PLCXD2: variants seen among roughly 807,000 people sequenced by gnomAD.
PLCXD2 encodes phosphatidylinositol specific phospholipase C X domain containing 2.
In PLCXD2, 21 loss-of-function variants were observed where a neutral mutation model predicts 28.6. That is an observed-to-expected ratio of 0.73 (90% confidence interval 0.52 to 1.06). The LOEUF is 1.06. Among genes scored for constraint, PLCXD2 ranks in the 50% least tolerant of loss-of-function variants. PLCXD2 has a pLI of 0.00. For missense variants in PLCXD2, 369 were observed against 376.7 expected (o/e 0.98, Z 0.17); for synonymous variants, 140 against 150.1 (o/e 0.93, Z 0.49).
rs954267073 is a variant in PLCXD2 at position 111,708,059 on chromosome 3, C to A, written c.297C>A (p.Asn99Lys). Residue 99 changes from asparagine to lysine, a missense_variant, in exon 2 of 5, where the codon AAC (asparagine) becomes AAA (lysine). Physicochemically the swap from Asn to Lys is moderately conservative, Grantham distance 94. Coordinates refer to ENST00000477665, the MANE Select transcript of PLCXD2 (RefSeq NM_001185106.1). ...TGAAGAAGTGGTCTGTGACTCAGAA[C>A]CTGACATTTCGAGAACAGCTGGAAG... is the stretch of plus-strand genomic sequence containing the variant. 5 of 1,614,180 alleles carry A rather than the reference C, an allele frequency of 3.1e-6. No homozygotes were observed. The highest frequency in any genetic ancestry group is 4.2e-6 in the Non-Finnish European group (5 of 1,180,046).
intron 2 of PLCXD2, among the ~76,000 whole-genome samples, chr3:111,712,065 C>G (rs1239310403): frequency 1.3e-5 from 2 of 151,978 alleles, no homozygotes; most frequent in Non-Finnish European, 2.9e-5. Flanking sequence ...GAGGCAGATG[C>G]AAAACACAGG....
chr3:111,691,145 T>C (rs1940871070), intron 1 of PLCXD2, among the ~76,000 whole-genome samples: 1 of 152,244 alleles, frequency 6.6e-6, no homozygotes. Flanking sequence ...TTGGAATGAT[T>C]TGCTTTTTGC....
At chr3:111,714,851 A>C (rs978711561) in intron 3 of PLCXD2, among the ~76,000 whole-genome samples, 1 of 152,210 alleles carries the variant, frequency 6.6e-6, no homozygotes, top group Non-Finnish European at 1.5e-5. Context: ...TATATGTATA[A>C]AAGGAATGTT....
At chr3:111,703,129 T>C (rs532752162) in intron 1 of PLCXD2, among the ~76,000 whole-genome samples, 2 of 152,334 alleles carry the variant, frequency 1.3e-5, no homozygotes, top group East Asian at 3.9e-4. Flanking sequence ...TTGACTGCTA[T>C]AGGCCTATAT....
At chr3:111,715,985 C>G (rs1184218832) in intron 3 of PLCXD2, among the ~76,000 whole-genome samples, 2 of 152,230 alleles carry the variant, frequency 1.3e-5, no homozygotes, top group Non-Finnish European at 2.9e-5. Context: ...AACATTGGCT[C>G]TTTCCTTTAT....
chr3:111,675,177 A>G lies in PLCXD2; in HGVS notation c.-69A>G. On this transcript the variant is annotated 5_prime_UTR_variant, in exon 1 of 5. Transcript: ENST00000477665. ...AAGCGTCGCCCTGAAACGTCCACAG[A>G]GCCCAAGAAGTGATGATCACTGAGT... is the stretch of plus-strand genomic sequence containing the variant. 6.5e-7 allele frequency: 1 copy of G among 1,543,238 alleles called. No individual in the cohort carries two copies. The highest frequency in any genetic ancestry group is 1.9e-5 in the Admixed American group (1 of 51,396).
chr3:111,677,513 C>T (rs769975825), intron 1 of PLCXD2: 2 of 152,206 alleles, frequency 1.3e-5, no homozygotes, highest in East Asian at 3.8e-4. Context: ...AGCACTACCA[C>T]GCAGGACCCA....
intron 1 of PLCXD2, chr3:111,676,636 T>C (rs1393656121): frequency 2.6e-5 from 4 of 152,222 alleles, no homozygotes; most frequent in Non-Finnish European, 5.9e-5. Flanking sequence ...CTACAGTTCC[T>C]TGGGAAATGC....
chr3:111,706,234 A>G (rs920805529), intron 1 of PLCXD2, among the ~76,000 whole-genome samples: 1 of 152,130 alleles, frequency 6.6e-6, no homozygotes, highest in Admixed American at 6.5e-5. Context: ...TTTTTTTGCT[A>G]TTGAGTTGTT....
At chr3:111,713,798 C>A in intron 2 of PLCXD2, 89 bp from the exon 3 acceptor site, 2 of 1,397,696 alleles carry the variant, frequency 1.4e-6, no homozygotes, top group Non-Finnish European at 9.7e-7. Context: ...TATTTTCTTG[C>A]CTTTTTCCTA....
At chr3:111,677,864 A>G (rs1163846512) in intron 1 of PLCXD2, among the ~76,000 whole-genome samples, 4 of 152,248 alleles carry the variant, frequency 2.6e-5, no homozygotes, top group African/African-American at 9.6e-5. Flanking sequence ...AGATACATAC[A>G]TATTATATGC....
At chr3:111,681,316 C>T (rs1940710896) in intron 1 of PLCXD2, among the ~76,000 whole-genome samples, 1 of 152,232 alleles carries the variant, frequency 6.6e-6, no homozygotes, top group South Asian at 2.1e-4. Context: ...ACTGTCATCC[C>T]CAGACATCCA....
chr3:111,698,369 C>T (rs1940993018), intron 1 of PLCXD2, among the ~76,000 whole-genome samples: 1 of 152,198 alleles, frequency 6.6e-6, no homozygotes, highest in South Asian at 2.1e-4. Context: ...GGCAGCCTGA[C>T]AACAGACTCT....
chr3:111,714,243 A>C, intron 3 of PLCXD2, 115 bp downstream of exon 3: 1 of 1,335,392 alleles, frequency 7.5e-7, no homozygotes, highest in Non-Finnish European at 9.9e-7. Context: ...AAAACAACAA[A>C]ACAAGCAAAA....
At chr3:111,719,269 G>A (rs578179654) in intron 3 of PLCXD2, among the ~76,000 whole-genome samples, 86 of 152,186 alleles carry the variant, frequency 5.7e-4, no homozygotes, top group Admixed American at 1.2e-3. Context: ...TAAGGAATTC[G>A]GCTCATGAAA....
Position 111,675,354 on chromosome 3 carries a change from G to A in PLCXD2, c.109G>A (p.Ala37Thr). ...GGAGGTCTGCAATGCCGACTGGATGGCCTCGCTCCCCCCTCACCTCCACAA... is the reference window on the plus strand; with the variant it reads ...GGAGGTCTGCAATGCCGACTGGATGACCTCGCTCCCCCCTCACCTCCACAA... The change falls in exon 1 of 5, where the codon GCC becomes ACC. Residue 37 changes from alanine to threonine, a missense_variant. By Grantham distance (58) the Ala-to-Thr change is moderately conservative. Coordinates refer to ENST00000477665, the MANE Select transcript of PLCXD2 (RefSeq NM_001185106.1). 1 of 1,614,120 alleles carries A rather than the reference G, an allele frequency of 6.2e-7. No homozygotes were observed. Among genetic ancestry groups the A allele is most frequent in the Non-Finnish European group, 8.5e-7 (1 of 1,180,010 alleles).
chr3:111,715,250 AAAG>A (rs1941252888), intron 3 of PLCXD2, among the ~76,000 whole-genome samples: 2 of 152,342 alleles, frequency 1.3e-5, no homozygotes, highest in Non-Finnish European at 1.5e-5. Context: ...TATCTCTTTG[AAAG>A]ATCCCGAATT....
At chr3:111,707,260 T>G (rs1941134184) in intron 1 of PLCXD2, among the ~76,000 whole-genome samples, 1 of 152,206 alleles carries the variant, frequency 6.6e-6, no homozygotes, top group Admixed American at 6.5e-5. Flanking sequence ...AATAAATCAT[T>G]CCTACTGACT....
At chr3:111,699,511 G>T (rs1941010986) in intron 1 of PLCXD2, among the ~76,000 whole-genome samples, 1 of 152,116 alleles carries the variant, frequency 6.6e-6, no homozygotes, top group Non-Finnish European at 1.5e-5. Context: ...GCAGTAATTT[G>T]TGTTCCAGAT....
Sources: gnomAD v4.1 joint callset for allele counts (sites outside exome capture counted in the v4.1 genomes callset) on GRCh38, gnomAD v4.1.1 for gene constraint, MANE v1.5 for transcripts, NCBI Gene and HGNC (gene_info 2026-07-23, HGNC 2026-07-21) for gene names.